The following LRFN2 variants were observed in gnomAD, a reference collection of about 807,000 sequenced individuals.
LRFN2 encodes leucine-rich repeat and fibronectin type-III domain-containing protein 2.
In LRFN2, 18 loss-of-function variants were observed where a neutral mutation model predicts 37.3. The observed-to-expected ratio is 0.48, with a 90% CI of 0.33 to 0.72. The LOEUF (loss-of-function observed/expected upper bound fraction) is 0.72. LRFN2 is among the 30% of genes least tolerant of loss of function. The probability of loss-of-function intolerance (pLI) is 0.02; values close to 1 mark genes in which losing one functional copy is unlikely to be tolerated. For synonymous variants in LRFN2, 556 were observed against 466.6 expected, an observed-to-expected ratio of 1.19 and a Z score of -2.47; for missense variants, 1,006 against 1,060.7, an observed-to-expected ratio of 0.95 and a Z score of 0.72.
intron 1 of LRFN2, among the ~76,000 whole-genome samples, chr6:40,515,584 C>A (rs1765842415): frequency 1.3e-5 from 2 of 152,124 alleles, no homozygotes; most frequent in South Asian, 4.1e-4. Context: ...ATTAACACTC[C>A]ACACACTTAA....
Position 40,397,662 on chromosome 6 carries a change from G to A in LRFN2, c.1401-4750C>T, listed in dbSNP as rs1482659311. 1.3e-5 allele frequency among the ~76,000 whole-genome samples: 2 copies of A among 152,180 alleles called. 1 individual carries two copies. Reference sequence around the variant, plus strand: ...AACACTGCAGAATCAGCCGGGCCCTGAATGGGCAGATGGCACTTCCTAGAA... The same window carrying A: ...AACACTGCAGAATCAGCCGGGCCCTAAATGGGCAGATGGCACTTCCTAGAA... On this transcript the variant is annotated intron_variant, in intron 2 of 2. Transcript: ENST00000338305.
chr6:40,473,863 A>T (rs1447804764), intron 1 of LRFN2, among the ~76,000 whole-genome samples: 2 of 152,200 alleles, frequency 1.3e-5, no homozygotes, highest in Non-Finnish European at 2.9e-5. Context: ...AAACTGAGGC[A>T]GAGTAGTTAC....
intron 1 of LRFN2, among the ~76,000 whole-genome samples, chr6:40,491,583 T>C (rs1765098684): frequency 6.2e-5 from 9 of 146,032 alleles, no homozygotes; most frequent in African/African-American, 1.5e-4. Context: ...TCCCTCACTC[T>C]ATTTTGCCGT....
chr6:40,431,086 C>G (rs369847114), intron 2 of LRFN2, among the ~76,000 whole-genome samples: 1 of 152,044 alleles, frequency 6.6e-6, no homozygotes, highest in Non-Finnish European at 1.5e-5. Flanking sequence ...AACACACTCT[C>G]CCTCCCTTTC....
intron 1 of LRFN2, among the ~76,000 whole-genome samples, chr6:40,532,506 C>T (rs1272535612): frequency 6.6e-6 from 1 of 152,130 alleles, no homozygotes; most frequent in Non-Finnish European, 1.5e-5. Context: ...AGTCACCAAC[C>T]CAAAGCCACA....
intron 1 of LRFN2, among the ~76,000 whole-genome samples, chr6:40,501,454 G>C (rs1302735439): frequency 6.6e-6 from 1 of 151,502 alleles, no homozygotes; most frequent in Admixed American, 6.6e-5. Flanking sequence ...AAGTACCTGG[G>C]ACTACAGGTG....
At chr6:40,437,729 A>G (rs1763721750) in intron 1 of LRFN2, among the ~76,000 whole-genome samples, 1 of 152,284 alleles carries the variant, frequency 6.6e-6, no homozygotes, top group East Asian at 1.9e-4. Flanking sequence ...CTGGATGAAT[A>G]TGTGTAATTA....
chr6:40,491,620 C>A lies in LRFN2; in HGVS notation c.-18-58489G>T, dbSNP rs1007061116. ...TGACTGTGGGTAGGTAGGCAGCTTA[C>A]CCTCTCTGAGTGTGTTTCCCTCTCT... On this transcript the variant is annotated intron_variant, in intron 1 of 2. Coordinates refer to ENST00000338305, the MANE Select transcript of LRFN2 (RefSeq NM_020737.3). 5.4e-5 allele frequency among the ~76,000 whole-genome samples: 8 copies of A among 148,344 alleles called. No individual in the cohort carries two copies. In the East Asian group the frequency reaches 1.4e-3, roughly 27 times the overall value.
intron 1 of LRFN2, among the ~76,000 whole-genome samples, chr6:40,525,068 A>G (rs1766210582): frequency 6.6e-6 from 1 of 152,220 alleles, no homozygotes; most frequent in South Asian, 2.1e-4. Flanking sequence ...AAGTGGGCAT[A>G]GATGGATTTG....
intron 1 of LRFN2, among the ~76,000 whole-genome samples, chr6:40,518,493 C>T (rs572217995): frequency 3.7e-4 from 56 of 152,304 alleles, no homozygotes; most frequent in African/African-American, 1.3e-3. Context: ...ACCTCCTATG[C>T]TGCTCCCTCC....
At chr6:40,560,981 G>T (rs12210865) in intron 1 of LRFN2, among the ~76,000 whole-genome samples, 71,892 of 151,768 alleles carry the variant, frequency 0.47, 18,021 homozygotes, top group African/African-American at 0.64. Flanking sequence ...CAAATATGTG[G>T]AGTGTCCATC....
chr6:40,395,106 C>A (rs1198313012), intron 2 of LRFN2, among the ~76,000 whole-genome samples: 1 of 152,064 alleles, frequency 6.6e-6, no homozygotes, highest in African/African-American at 2.4e-5. Flanking sequence ...AAGGACCCTG[C>A]AGCCAGCCCC....
chr6:40,584,815 G>GT (rs111498485), intron 1 of LRFN2, among the ~76,000 whole-genome samples: 4,529 of 144,920 alleles, frequency 0.031, 161 homozygotes, highest in African/African-American at 0.09. Flanking sequence ...CAGAATCCCT[G>GT]TTTTTTTTTT....
At chr6:40,553,103 C>T (rs948044638) in intron 1 of LRFN2, among the ~76,000 whole-genome samples, 8 of 152,154 alleles carry the variant, frequency 5.3e-5, no homozygotes, top group African/African-American at 1.9e-4. Context: ...TTGTTCGCTC[C>T]GCTCTGCCTG....
At chr6:40,494,311 G>A (rs1765169729) in intron 1 of LRFN2, among the ~76,000 whole-genome samples, 1 of 152,118 alleles carries the variant, frequency 6.6e-6, no homozygotes. Flanking sequence ...AAGGTTCCTT[G>A]GAGCCCTCTC....
rs139050705 is a variant in LRFN2, at chr6:40,460,514, A to G, written c.-18-27383T>C. Among the ~76,000 whole-genome samples, 29 of 152,320 alleles carry G rather than the reference A, an allele frequency of 1.9e-4. No homozygotes were observed. In the East Asian group the frequency reaches 5.4e-3, roughly 28 times the overall value. On this transcript the variant is annotated intron_variant, in intron 1 of 2. Coordinates refer to ENST00000338305, the MANE Select transcript of LRFN2 (RefSeq NM_020737.3). ...GGATTCAGCCCAGATCCCAAAGCAC[A>G]TTCCCAAGCCGTGTACTAAGTTCTG...
At chr6:40,431,439 A>G (rs1341378042) in intron 2 of LRFN2, among the ~76,000 whole-genome samples, 2 of 152,218 alleles carry the variant, frequency 1.3e-5, no homozygotes, top group East Asian at 1.9e-4. Flanking sequence ...GCTCATAGCC[A>G]TAAGACCACT....
chr6:40,465,216 C>G (rs1042226972), intron 1 of LRFN2, among the ~76,000 whole-genome samples: 2 of 152,156 alleles, frequency 1.3e-5, no homozygotes, highest in African/African-American at 4.8e-5. Flanking sequence ...GAAACATATT[C>G]TACCCTAGAG....
chr6:40,564,978 G>C (rs1339966633), intron 1 of LRFN2, among the ~76,000 whole-genome samples: 1 of 152,158 alleles, frequency 6.6e-6, no homozygotes, highest in Non-Finnish European at 1.5e-5. Flanking sequence ...CTGACCATTT[G>C]AGACAAAGAC....
Sources: allele counts gnomAD v4.1 joint callset (sites outside exome capture counted in the v4.1 genomes callset), GRCh38; gene constraint gnomAD v4.1.1; transcripts MANE v1.5; gene names NCBI Gene and HGNC (gene_info 2026-07-23, HGNC 2026-07-21).